ZBTB17: variants seen among roughly 807,000 people sequenced by gnomAD.
ZBTB17 encodes zinc finger and BTB domain containing 17.
A neutral mutation model predicts 85.1 loss-of-function variants in ZBTB17; 24 were observed. That is an observed-to-expected ratio of 0.28 (90% CI 0.20 to 0.40). ZBTB17 has a LOEUF of 0.40. Ranked by LOEUF, ZBTB17 falls within the 10% of genes least tolerant of loss-of-function variation. The pLI is 1.00. For missense variants in ZBTB17, 743 were observed against 1,105.1 expected, an observed-to-expected ratio of 0.67 and a Z score of 4.65; for synonymous variants, 464 against 460.2, an observed-to-expected ratio of 1.01 and a Z score of -0.11.
At chr1:15,970,160 T>C (rs2072593420) in intron 2 of ZBTB17, 1 of 549,958 alleles carries the variant, frequency 1.8e-6, no homozygotes, top group East Asian at 3.3e-5. Context: ...TTCTTTACAA[T>C]AGTAGGACTT....
chr1:15,971,426 TATACAC>T (rs1295555498), intron 2 of ZBTB17, among the ~76,000 whole-genome samples: 2,097 of 125,080 alleles, frequency 0.017, 97 homozygotes, highest in African/African-American at 0.059. Flanking sequence ...ACTATATATA[TATACAC>T]ACACACTATA....
At chr1:15,959,523 G>C (rs2072175306) in intron 2 of ZBTB17, among the ~76,000 whole-genome samples, 1 of 131,974 alleles carries the variant, frequency 7.6e-6, no homozygotes, top group Non-Finnish European at 1.6e-5. Context: ...GAGGGAGGGA[G>C]GGAGGGAGGA....
At chr1:15,945,645 A>C in intron 6 of ZBTB17, 70 bp downstream of exon 6, 1 of 1,583,728 alleles carries the variant, frequency 6.3e-7, no homozygotes, top group Non-Finnish European at 8.5e-7. Context: ...GGGAGGCCCC[A>C]GTGCGCAGTG....
At chr1:15,945,462 G>A (rs905526095) in intron 6 of ZBTB17, among the ~76,000 whole-genome samples, 6 of 152,222 alleles carry the variant, frequency 3.9e-5, no homozygotes. Flanking sequence ...GCTGAAAGCC[G>A]GGAAGCAGCA....
rs2072746211 is a variant in ZBTB17, at chr1:15,973,280, C to T, written c.-89-155G>A. On this transcript the variant is annotated intron_variant, in intron 1 of 15. Transcript: ENST00000375743. The surrounding 1 kb of genome is among the most constrained non-coding windows in gnomAD (Gnocchi z 4.1). ...GGAAGTGCTGAATAAATGGCCTGCT[C>T]TGTGCCAGATAGCATGCTGACACTG... Among the ~76,000 whole-genome samples the T allele has an allele frequency of 6.6e-6, 1 of 152,214 alleles. No individual in the cohort carries two copies. The highest frequency in any genetic ancestry group is 1.5e-5 in the Non-Finnish European group (1 of 68,028).
In ZBTB17 at chr1:15,957,146, T is replaced by C. The variant is rs1265782042; in HGVS notation, c.-2-8649A>G. Reference sequence around the variant, plus strand: ...GTGAGCCAAGATCGTGCCACTGCACTCCAGCCTGGGTGACAGTGAGAGACT... The same window carrying C: ...GTGAGCCAAGATCGTGCCACTGCACCCCAGCCTGGGTGACAGTGAGAGACT... On this transcript the variant is annotated intron_variant, in intron 2 of 15. Transcript: ENST00000375743. 2.8e-5 allele frequency among the ~76,000 whole-genome samples: 4 copies of C among 144,220 alleles called. No individual in the cohort carries two copies. The East Asian group carries it at 8.1e-4, about 29-fold the overall frequency. 94.6% of individuals were successfully genotyped at this position (144,220 alleles called of 152,430 possible).
chr1:15,945,233 C>A, intron 6 of ZBTB17, 31 bp from the exon 7 acceptor site: 2 of 1,547,388 alleles, frequency 1.3e-6, no homozygotes, highest in Non-Finnish European at 1.7e-6. Flanking sequence ...ATGGAGGCGG[C>A]AGCCCTCTCT....
intron 2 of ZBTB17, among the ~76,000 whole-genome samples, chr1:15,956,530 A>G (rs1285406818): frequency 6.6e-6 from 1 of 152,248 alleles, no homozygotes; most frequent in Non-Finnish European, 1.5e-5. Flanking sequence ...TGTCCATTCC[A>G]TTAATCACAA....
In ZBTB17 at chr1:15,941,904, AGGCCACCCTT is replaced by A; in HGVS notation, c.*55_*64del. On this transcript the variant is annotated 3_prime_UTR_variant, in exon 16 of 16. Transcript: ENST00000375743. Reference sequence around the variant, plus strand: ...ATCCAATTTATTCTCTCTAGGGAACAGGCCACCCTTCCCGGTTCCAGGGTGCCATCCATCC... The same window carrying A: ...ATCCAATTTATTCTCTCTAGGGAACACCCGGTTCCAGGGTGCCATCCATCC... The A allele has an allele frequency of 2.0e-6, 3 of 1,536,430 alleles. No homozygotes were observed. In the East Asian group the frequency reaches 6.8e-5, roughly 35 times the overall value.
At chr1:15,947,374 G>A (rs1013303315) in intron 3 of ZBTB17, 6 of 512,816 alleles carry the variant, frequency 1.2e-5, no homozygotes, top group African/African-American at 1.9e-5. Context: ...AGGTGTGAAC[G>A]CCCACCCTGC....
At chr1:15,946,352 TG>T (rs773162164) in intron 4 of ZBTB17, 58 bp from the exon 5 acceptor site, 1 of 1,580,598 alleles carries the variant, frequency 6.3e-7, no homozygotes, top group Non-Finnish European at 8.6e-7. Flanking sequence ...CATCTGGAGG[TG>T]TGAGGTGGCC....
At chr1:15,965,066 A>G (rs1039350543) in intron 2 of ZBTB17, among the ~76,000 whole-genome samples, 23 of 151,752 alleles carry the variant, frequency 1.5e-4, no homozygotes, top group Non-Finnish European at 2.5e-4. Context: ...GTGAGCTGAG[A>G]TCGCGCCACT....
In ZBTB17 at chr1:15,951,801, G is replaced by A. The variant is rs756125341; in HGVS notation, c.-2-3304C>T. On this transcript the variant is annotated intron_variant, in intron 2 of 15. Transcript: ENST00000375743. The surrounding 1 kb of genome is among the most constrained non-coding windows in gnomAD (Gnocchi z 4.1). ...GGACATAGGAAAAGGGTTTGGGAGC[G>A]AAGGGGTGTGCAGGTCCTAGGAACA... 2.0e-5 allele frequency among the ~76,000 whole-genome samples: 3 copies of A among 152,218 alleles called. No individual in the cohort carries two copies. The East Asian group carries it at 5.8e-4, about 29-fold the overall frequency.
chr1:15,947,167 G>A (rs755567611), intron 3 of ZBTB17, 44 bp from the exon 4 acceptor site: 30 of 1,558,238 alleles, frequency 1.9e-5, no homozygotes, highest in Non-Finnish European at 2.2e-5. Context: ...CTCAAGATCC[G>A]GCACCGGCAG....
intron 13 of ZBTB17, 155 bp downstream of exon 13, chr1:15,942,909 A>G (rs1202000892): frequency 2.9e-6 from 4 of 1,356,132 alleles, no homozygotes; most frequent in Admixed American, 4.6e-5. Flanking sequence ...GCTCTAGGAA[A>G]ATGGGGTCCT....
chr1:15,969,827 C>G, intron 2 of ZBTB17: 1 of 552,146 alleles, frequency 1.8e-6, no homozygotes, highest in South Asian at 1.5e-5. Context: ...GAGTGGGTCA[C>G]CATGCTGTTT....
rs559300949 is a variant in ZBTB17 at position 15,949,637 on chromosome 1, G to A, written c.-2-1140C>T. On this transcript the variant is annotated intron_variant, in intron 2 of 15. Coordinates refer to ENST00000375743, the MANE Select transcript of ZBTB17 (RefSeq NM_003443.3). ...TGAGAGGGACACTTTGGGGCTCTCC[G>A]CCCCCAGTTTCGGCAGCTCTGCCCC... 5.3e-4 allele frequency among the ~76,000 whole-genome samples: 81 copies of A among 152,338 alleles called. 1 individual carries two copies. In the Middle Eastern group the frequency reaches 0.01, roughly 19 times the overall value.
chr1:15,950,077 T>C (rs2071775756), intron 2 of ZBTB17, among the ~76,000 whole-genome samples: 1 of 152,176 alleles, frequency 6.6e-6, no homozygotes. Context: ...GAGCCCTAAG[T>C]GTAAGCACTG....
chr1:15,975,971 G>T lies in ZBTB17; in HGVS notation c.-90+12C>A, dbSNP rs758593777. 43 of 699,998 alleles carry T rather than the reference G, an allele frequency of 6.1e-5. No homozygotes were observed. In the South Asian group the frequency reaches 6.3e-4, roughly 10 times the overall value. The allele number at this position is 699,998 out of a possible 1,614,324, so 43.4% of individuals were successfully genotyped here. A position where few individuals can be genotyped will look rare whatever the true frequency, so the allele number is the denominator to read the frequency against. ...GGGACTTCCCCGGCCCCGGGCGATT[G>T]TTGACACTCACCTGCCATGTCCCGG... is the stretch of plus-strand genomic sequence containing the variant. On this transcript the variant is annotated intron_variant, in intron 1 of 15. Transcript: ENST00000375743.
Sources: allele counts gnomAD v4.1 joint callset (sites outside exome capture counted in the v4.1 genomes callset), GRCh38; gene constraint gnomAD v4.1.1; non-coding constraint Gnocchi (gnomAD v3.1); transcripts MANE v1.5; gene names NCBI Gene and HGNC (gene_info 2026-07-23, HGNC 2026-07-21).